Variants in ABL1 observed in about 807,000 individuals in gnomAD.
ABL1 encodes ABL proto-oncogene 1, non-receptor tyrosine kinase.
Under a neutral mutation model 94.7 loss-of-function variants are expected in ABL1, and 11 were observed. The observed-to-expected ratio is 0.12, with a 90% CI of 0.07 to 0.19. ABL1 has a LOEUF of 0.19. Among genes scored for constraint, ABL1 ranks in the 10% least tolerant of loss-of-function variants. ABL1 has a pLI of 1.00. For synonymous variants in ABL1, 656 were observed against 622.4 expected (o/e 1.05, Z -0.80); for missense variants, 1,082 against 1,489.4 (o/e 0.73, Z 4.50).
chr9:130,783,007 CCAAGAA>C (rs1330625799), intron 1 of ABL1, among the ~76,000 whole-genome samples: 1 of 152,152 alleles, frequency 6.6e-6, no homozygotes, highest in African/African-American at 2.4e-5. Context: ...CTCACGATAG[CCAAGAA>C]CAAGAACACT....
intron 1 of ABL1, among the ~76,000 whole-genome samples, chr9:130,745,175 C>T (rs1449029722): frequency 4.7e-5 from 7 of 149,156 alleles, no homozygotes; most frequent in Non-Finnish European, 1.0e-4. Context: ...ACCTCCACCT[C>T]CTGGGTTCAA....
intron 1 of ABL1, among the ~76,000 whole-genome samples, chr9:130,763,000 T>C (rs1301766460): frequency 6.6e-6 from 1 of 151,970 alleles, no homozygotes; most frequent in Non-Finnish European, 1.5e-5. Context: ...ACCTAATAGC[T>C]TCTCCTTCCA....
At chr9:130,721,709 CAAAAT>C (rs1022020934) in intron 1 of ABL1, among the ~76,000 whole-genome samples, 7 of 149,360 alleles carry the variant, frequency 4.7e-5, no homozygotes, top group African/African-American at 9.9e-5. Flanking sequence ...GACCCTGTCT[CAAAAT>C]AAAATAAAAT....
chr9:130,809,417 A>AGTGTGT (rs367661812), intron 1 of ABL1, among the ~76,000 whole-genome samples: 3 of 84,412 alleles, frequency 3.6e-5, no homozygotes, highest in South Asian at 1.0e-3. Context: ...AGAGAGAGAG[A>AGTGTGT]GTGTGTGTGT....
At chr9:130,803,513 A>G in intron 1 of ABL1, among the ~76,000 whole-genome samples, 1 of 152,360 alleles carries the variant, frequency 6.6e-6, no homozygotes, top group Middle Eastern at 3.4e-3. Context: ...AATAAATAAA[A>G]TGGTTATAGA....
At chr9:130,833,402 T>C (rs1830516912), upstream of ABL1, among the ~76,000 whole-genome samples, 1 of 152,248 alleles carries the variant, frequency 6.6e-6, no homozygotes, top group African/African-American at 2.4e-5. Flanking sequence ...TTTTTGGCAT[T>C]ACGTGTAGAG....
intron 4 of ABL1, among the ~76,000 whole-genome samples, chr9:130,864,879 T>C (rs192504656): frequency 1.6e-3 from 246 of 152,296 alleles, no homozygotes; most frequent in Non-Finnish European, 2.6e-3. Flanking sequence ...ATTTGTCAAA[T>C]GAAGGAAGAT....
At chr9:130,729,916 T>G (rs1280122021) in intron 1 of ABL1, among the ~76,000 whole-genome samples, 8 of 150,948 alleles carry the variant, frequency 5.3e-5, no homozygotes, top group East Asian at 3.9e-4. Context: ...TTTTTTTTTT[T>G]GCATTTTTGG....
chr9:130,835,655 T>G lies in ABL1; in HGVS notation c.79+130T>G. 2 of 538,948 alleles carry G rather than the reference T, an allele frequency of 3.7e-6. No individual in the cohort carries two copies. Among genetic ancestry groups the G allele is most frequent in the Non-Finnish European group, 6.3e-6 (2 of 317,446 alleles). The allele number at this position is 538,948 out of a possible 1,614,324, so 33.4% of individuals were successfully genotyped here. A position where few individuals can be genotyped will look rare whatever the true frequency, so the allele number is the denominator to read the frequency against. On this transcript the variant is annotated intron_variant, in intron 1 of 10. Transcript: ENST00000318560. The surrounding 1 kb of genome is among the most constrained non-coding windows in gnomAD (Gnocchi z 4.6). ...CCGGGTCTTGTCTTTTTTTTCTTTC[T>G]TCCCTCTTCTCTTCTCTTCTCTTCA...
At chr9:130,869,729 G>A (rs1278815014) in intron 4 of ABL1, among the ~76,000 whole-genome samples, 1 of 152,170 alleles carries the variant, frequency 6.6e-6, no homozygotes, top group Admixed American at 6.6e-5. Flanking sequence ...AAAATGATAG[G>A]AATTTTTTTA....
chr9:130,793,775 G>A (rs1309707176), intron 1 of ABL1, among the ~76,000 whole-genome samples: 1 of 152,164 alleles, frequency 6.6e-6, no homozygotes, highest in Non-Finnish European at 1.5e-5. Context: ...CGGCAGGTAA[G>A]CAATGAAGCT....
At chr9:130,745,509 C>T (rs932302016) in intron 1 of ABL1, among the ~76,000 whole-genome samples, 5 of 151,720 alleles carry the variant, frequency 3.3e-5, no homozygotes, top group South Asian at 2.1e-4. Context: ...TAGCAAAACT[C>T]ATGATACCTC....
At chr9:130,806,964 C>T (rs542802631) in intron 1 of ABL1, among the ~76,000 whole-genome samples, 10 of 152,210 alleles carry the variant, frequency 6.6e-5, no homozygotes, top group Admixed American at 1.3e-4. Flanking sequence ...GCCTGGCCAA[C>T]ATGGTGAAAC....
intron 1 of ABL1, among the ~76,000 whole-genome samples, chr9:130,850,303 A>G (rs768631964): frequency 1.4e-4 from 21 of 152,250 alleles, no homozygotes; most frequent in Admixed American, 6.5e-4. Context: ...ACAAATTACT[A>G]CAGAATTAGG....
At chr9:130,720,960 C>T (rs1831506530) in intron 1 of ABL1, among the ~76,000 whole-genome samples, 2 of 151,552 alleles carry the variant, frequency 1.3e-5, no homozygotes, top group South Asian at 4.2e-4. Context: ...GCTGTGATTG[C>T]GCCACTGCAC....
intron 1 of ABL1, among the ~76,000 whole-genome samples, chr9:130,782,624 C>T (rs1829769511): frequency 6.6e-6 from 1 of 152,226 alleles, no homozygotes; most frequent in African/African-American, 2.4e-5. Flanking sequence ...CACACACCCA[C>T]CTCATAGGAT....
intron 1 of ABL1, among the ~76,000 whole-genome samples, chr9:130,776,331 C>T (rs1304624726): frequency 6.6e-6 from 1 of 152,176 alleles, no homozygotes; most frequent in Non-Finnish European, 1.5e-5. Flanking sequence ...CGCGGTGGCT[C>T]ATGCCTGTAA....
chr9:130,864,963 T>C (rs1424367662), intron 4 of ABL1, among the ~76,000 whole-genome samples: 1 of 152,188 alleles, frequency 6.6e-6, no homozygotes, highest in Non-Finnish European at 1.5e-5. Context: ...GTTGTACAAC[T>C]TGACATTTGA....
At chr9:130,793,600 A>G (rs1829936506) in intron 1 of ABL1, among the ~76,000 whole-genome samples, 2 of 152,164 alleles carry the variant, frequency 1.3e-5, no homozygotes, top group African/African-American at 4.8e-5. Flanking sequence ...CAATTTTAGT[A>G]CTGAGTGTTG....
Sources: gnomAD v4.1 joint callset for allele counts (sites outside exome capture counted in the v4.1 genomes callset) on GRCh38, gnomAD v4.1.1 for gene constraint, Gnocchi (gnomAD v3.1) non-coding constraint, MANE v1.5 for transcripts, NCBI Gene and HGNC (gene_info 2026-07-23, HGNC 2026-07-21) for gene names.